RASA3: variants seen among roughly 807,000 people sequenced by gnomAD.
The protein encoded by RASA3 is ras GTPase-activating protein 3.
A neutral mutation model predicts 110.0 loss-of-function variants in RASA3; 73 were observed. The observed-to-expected ratio is 0.66, with a 90% CI of 0.55 to 0.81. The LOEUF (loss-of-function observed/expected upper bound fraction) is 0.81, where lower values mean the gene tolerates loss of function less well. Ranked by LOEUF, RASA3 falls within the 30% of genes least tolerant of loss-of-function variation. The pLI is 0.00. For missense variants in RASA3, 976 were observed against 1,113.2 expected (o/e 0.88, Z 1.75); for synonymous variants, 500 against 451.4 (o/e 1.11, Z -1.37).
intron 1 of RASA3, among the ~76,000 whole-genome samples, chr13:114,099,401 G>C (rs1350636349): frequency 6.6e-6 from 1 of 151,888 alleles, no homozygotes; most frequent in Non-Finnish European, 1.5e-5. Flanking sequence ...CTTGTGGGTG[G>C]GTGCTGGGTC....
chr13:114,078,907 C>A (rs567454810), intron 1 of RASA3, among the ~76,000 whole-genome samples: 23 of 152,364 alleles, frequency 1.5e-4, no homozygotes, highest in African/African-American at 5.5e-4. Context: ...CACCCCTGTA[C>A]CCAGGAGGAG....
Position 114,115,873 on chromosome 13 carries a change from A to C in RASA3, c.55+16562T>G, listed in dbSNP as rs530886348. ...AATGTGAGATTATTCTTCTTGGTTA[A>C]TATTTTACTTTCTGTCATAACCAGC... On this transcript the variant is annotated intron_variant, in intron 1 of 23. Transcript: ENST00000334062. The surrounding 1 kb of genome is among the most constrained non-coding windows in gnomAD (Gnocchi z 5.0). 6.6e-6 allele frequency among the ~76,000 whole-genome samples: 1 copy of C among 152,234 alleles called. No homozygotes were observed. Among genetic ancestry groups the C allele is most frequent in the East Asian group, 1.9e-4 (1 of 5,200 alleles).
At chr13:114,070,155 C>T (rs1161890045) in intron 2 of RASA3, among the ~76,000 whole-genome samples, 7 of 71,322 alleles carry the variant, frequency 9.8e-5, no homozygotes, top group Admixed American at 2.1e-4. Flanking sequence ...CCGGGAGACT[C>T]GGGGGTTGGG....
intron 17 of RASA3, 92 bp downstream of exon 17, chr13:114,009,295 T>A (rs1276799058): frequency 1.9e-6 from 2 of 1,046,052 alleles, no homozygotes; most frequent in Non-Finnish European, 3.0e-6. Flanking sequence ...AATGGCCAAG[T>A]CTGTGTCATG....
intron 16 of RASA3, among the ~76,000 whole-genome samples, chr13:114,010,710 A>G (rs1202847691): frequency 3.5e-3 from 1 of 286 alleles, no homozygotes; most frequent in African/African-American, 0.026. Context: ...ATGGGGAGGT[A>G]GTGCAGCATG....
At chr13:114,111,523 C>T (rs1323018416) in intron 1 of RASA3, among the ~76,000 whole-genome samples, 1 of 148,934 alleles carries the variant, frequency 6.7e-6, no homozygotes, top group Non-Finnish European at 1.5e-5. Flanking sequence ...GGCTGAGCCT[C>T]AAACGAGCTG....
intron 4 of RASA3, among the ~76,000 whole-genome samples, chr13:114,038,660 A>G (rs187199772): frequency 1.3e-5 from 2 of 152,280 alleles, no homozygotes; most frequent in East Asian, 3.9e-4. Flanking sequence ...GCAAATGGCA[A>G]CCTTGACCCA....
At chr13:114,030,466 G>GCAAGACTCACGCAGAGA (rs1566501743) in intron 4 of RASA3, among the ~76,000 whole-genome samples, 13 of 100,844 alleles carry the variant, frequency 1.3e-4, no homozygotes, top group African/African-American at 4.8e-4. Context: ...TCACACAGAG[G>GCAAGACTCACGCAGAGA]GCAAGGCTCA....
chr13:114,045,060 C>T (rs762581487), intron 3 of RASA3, among the ~76,000 whole-genome samples: 6 of 152,214 alleles, frequency 3.9e-5, no homozygotes, highest in Admixed American at 6.5e-5. Context: ...TCATTCCCGA[C>T]GTGGGGTCAC....
Position 114,114,087 on chromosome 13 carries a change from C to CT in RASA3, c.55+18347dup, listed in dbSNP as rs1211908844. On this transcript the variant is annotated intron_variant, in intron 1 of 23. Transcript: ENST00000334062. This position sits in a 1 kb window ranked among gnomAD's most constrained non-coding sequence, Gnocchi z 4.8. ...TCAATCCACCCACCACAGCAAGTGT[C>CT]TGCGATGTCTGTAGTGTCTGCGATG... Among the ~76,000 whole-genome samples, 1 of 152,042 alleles carries CT rather than the reference C, an allele frequency of 6.6e-6. No homozygotes were observed. The highest frequency in any genetic ancestry group is 6.5e-5 in the Admixed American group (1 of 15,268).
At chr13:114,081,655 C>A (rs917313092) in intron 1 of RASA3, among the ~76,000 whole-genome samples, 1 of 152,156 alleles carries the variant, frequency 6.6e-6, no homozygotes, top group East Asian at 1.9e-4. Flanking sequence ...AGACAGGGGA[C>A]CTCTCCTCCA....
chr13:114,027,453 G>T lies in RASA3; in HGVS notation c.539C>A (p.Ala180Glu), dbSNP rs1339864871. The T allele has an allele frequency of 2.5e-6, 4 of 1,611,254 alleles. No homozygotes were observed. The highest frequency in any genetic ancestry group is 3.4e-6 in the Non-Finnish European group (4 of 1,177,530). ...CTTCCTCTTCACTTTCGTCTTCTTTGCTTCTGATCTGTTATCAAGTGAGAA... is the reference window on the plus strand; with the variant it reads ...CTTCCTCTTCACTTTCGTCTTCTTTTCTTCTGATCTGTTATCAAGTGAGAA... ...VTLAGPFRSE[A>E]KKTKVKRKTN... Residue 180 changes from alanine to glutamate, a missense_variant, in exon 7 of 24, where the codon GCA becomes GAA. Physicochemically the swap from Ala to Glu is moderately radical, Grantham distance 107 (BLOSUM62 -1). Around this residue, in one of 4 missense-constraint regions of RASA3, gnomAD observed 732 missense variants for 779.7 expected, o/e 0.94. Coordinates refer to ENST00000334062, the MANE Select transcript of RASA3 (RefSeq NM_007368.4).
intron 1 of RASA3, among the ~76,000 whole-genome samples, chr13:114,101,247 G>T (rs1333616284): frequency 1.3e-5 from 2 of 152,214 alleles, no homozygotes; most frequent in African/African-American, 4.8e-5. Flanking sequence ...TCAGAGGGAA[G>T]GGAAGGGAAA....
At chr13:114,111,094 C>T (rs537807402) in intron 1 of RASA3, among the ~76,000 whole-genome samples, 4 of 75,304 alleles carry the variant, frequency 5.3e-5, no homozygotes, top group Admixed American at 1.2e-4. Context: ...CGAGTTCTAA[C>T]GGGCTGAGCC....
chr13:113,981,942 A>AC, intron 22 of RASA3, 84 bp from the exon 23 acceptor site: 3 of 1,285,780 alleles, frequency 2.3e-6, no homozygotes, highest in Non-Finnish European at 3.2e-6. Flanking sequence ...TGCAGGCCCC[A>AC]CCCACAGTAC....
At chr13:114,078,871 G>T (rs1317303731) in intron 1 of RASA3, among the ~76,000 whole-genome samples, 1 of 152,160 alleles carries the variant, frequency 6.6e-6, no homozygotes, top group African/African-American at 2.4e-5. Flanking sequence ...GCGAGCTGTC[G>T]GGGCTGCCCG....
chr13:113,990,058 G>C (rs527396072), intron 22 of RASA3, among the ~76,000 whole-genome samples: 6 of 152,048 alleles, frequency 3.9e-5, no homozygotes, highest in South Asian at 2.1e-4. Context: ...TTGTTTGGAC[G>C]TGTGTGGCAT....
chr13:114,005,019 C>A (rs779723104), intron 18 of RASA3, among the ~76,000 whole-genome samples: 9 of 152,118 alleles, frequency 5.9e-5, no homozygotes, highest in Non-Finnish European at 1.2e-4. Flanking sequence ...GACTCAGAGA[C>A]GAAAAGCCAA....
rs960766396 is a variant in RASA3 at position 114,079,844 on chromosome 13, C to T, written c.56-6007G>A. 7.2e-5 allele frequency among the ~76,000 whole-genome samples: 11 copies of T among 152,028 alleles called. 1 individual carries two copies. Among genetic ancestry groups the T allele is most frequent in the Non-Finnish European group, 1.6e-4 (11 of 68,012 alleles). On this transcript the variant is annotated intron_variant, in intron 1 of 23. Coordinates refer to ENST00000334062, the MANE Select transcript of RASA3 (RefSeq NM_007368.4). Reference sequence around the variant, plus strand: ...GCCCGTCCGCACTGGCCTCCCCACCCGGCACCCTCCGTGGGACGAGGCTGC... The same window carrying T: ...GCCCGTCCGCACTGGCCTCCCCACCTGGCACCCTCCGTGGGACGAGGCTGC...
Sources: allele counts gnomAD v4.1 joint callset (sites outside exome capture counted in the v4.1 genomes callset), GRCh38; gene constraint gnomAD v4.1.1; regional missense constraint gnomAD v4.1.1; non-coding constraint Gnocchi (gnomAD v3.1); transcripts MANE v1.5; gene names NCBI Gene and HGNC (gene_info 2026-07-23, HGNC 2026-07-21).